TUBGCP2: variants seen among roughly 807,000 people sequenced by gnomAD.
The protein encoded by TUBGCP2 is tubulin gamma complex component 2.
In TUBGCP2, 55 loss-of-function variants were observed where a neutral mutation model predicts 92.2. The observed-to-expected ratio is 0.60, with a 90% CI of 0.48 to 0.75. The LOEUF (loss-of-function observed/expected upper bound fraction) is 0.75, where lower values mean the gene tolerates loss of function less well. Among genes scored for constraint, TUBGCP2 ranks in the 30% least tolerant of loss-of-function variants. TUBGCP2 has a pLI of 0.00. For missense variants in TUBGCP2, 1,093 were observed against 1,188.9 expected (o/e 0.92, Z 1.19); for synonymous variants, 533 against 505.2 (o/e 1.06, Z -0.74).
intron 15 of TUBGCP2, 117 bp from the exon 16 acceptor site, chr10:133,282,459 G>A: frequency 7.3e-7 from 1 of 1,371,230 alleles, no homozygotes; most frequent in Non-Finnish European, 9.6e-7. Context: ...CCTGCGGCTG[G>A]GGGTACACAA....
At chr10:133,293,790 G>A in intron 5 of TUBGCP2, 21 bp from the exon 6 acceptor site, 1 of 1,563,814 alleles carries the variant, frequency 6.4e-7, no homozygotes, top group South Asian at 1.2e-5. Flanking sequence ...AGACAGCGCT[G>A]TGGCTCTGCA....
chr10:133,279,636 T>C lies in TUBGCP2; in HGVS notation c.*130A>G. The C allele has an allele frequency of 7.5e-7, 1 of 1,327,814 alleles. No individual in the cohort carries two copies. The highest frequency in any genetic ancestry group is 3.0e-5 in the East Asian group (1 of 33,164). 82.3% of individuals were successfully genotyped at this position (1,327,814 alleles called of 1,614,324 possible). On this transcript the variant is annotated 3_prime_UTR_variant, in exon 18 of 18. Transcript: ENST00000252936. ...CAGCGCCTTGAGAAACAAAGTGAGC[T>C]GAGTCAATCATTCCTGCTTTATATT...
Position 133,294,915 on chromosome 10 carries a change from C to T in TUBGCP2, c.617-1146G>A, listed in dbSNP as rs183104993. ...CAGGATGACCAATAAAACCGAGACC[C>T]CAATGTCTACCATCCCTAAAGGAGT... On this transcript the variant is annotated intron_variant, in intron 5 of 17. Coordinates refer to ENST00000252936, the MANE Select transcript of TUBGCP2 (RefSeq NM_006659.4). Among the ~76,000 whole-genome samples, 62 of 152,352 alleles carry T rather than the reference C, an allele frequency of 4.1e-4. No individual in the cohort carries two copies. The East Asian group carries it at 7.7e-3, about 19-fold the overall frequency.
rs750670763 is a variant in TUBGCP2, at chr10:133,299,566, GCT to G, written c.315_316del (p.Arg105SerfsTer2). ...GCCCACAGCAGCGGCTGCAAGCTCA[GCT>G]CTTTCTTTTGCATTCTGTTGTAAGT... On this transcript the variant is annotated frameshift_variant, in exon 4 of 18. Transcript: ENST00000252936. LOFTEE classifies it high-confidence loss of function. 1 of 1,613,212 alleles carries G rather than the reference GCT, an allele frequency of 6.2e-7. No homozygotes were observed. Among genetic ancestry groups the G allele is most frequent in the South Asian group, 1.1e-5 (1 of 91,040 alleles).
intron 2 of TUBGCP2, among the ~76,000 whole-genome samples, chr10:133,301,254 G>A (rs1180155556): frequency 1.3e-5 from 2 of 152,098 alleles, no homozygotes; most frequent in African/African-American, 4.8e-5. Context: ...TCAGCCTCCT[G>A]AGTAGCTGCA....
chr10:133,297,891 G>A (rs1847526705), intron 5 of TUBGCP2, 61 bp downstream of exon 5: 1 of 1,591,106 alleles, frequency 6.3e-7, no homozygotes, highest in East Asian at 2.3e-5. Context: ...TATCGGCAGA[G>A]CCCGGAAATC....
chr10:133,310,326 A>C, upstream of TUBGCP2: 2 of 1,611,402 alleles, frequency 1.2e-6, no homozygotes, highest in South Asian at 2.2e-5. Context: ...TCTGCTTTTG[A>C]TTTTAGGAAA....
At chr10:133,300,809 G>A (rs779247099) in intron 2 of TUBGCP2, among the ~76,000 whole-genome samples, 11 of 152,146 alleles carry the variant, frequency 7.2e-5, no homozygotes, top group East Asian at 5.8e-4. Context: ...GGAGAGTAGC[G>A]ACTTACACTT....
rs371960542 is a variant in TUBGCP2 at position 133,302,994 on chromosome 10, G to A, written c.-39-14C>T. 1.0e-5 allele frequency: 16 copies of A among 1,601,254 alleles called. No individual in the cohort carries two copies. The highest frequency in any genetic ancestry group is 2.2e-5 in the East Asian group (1 of 44,750). ...CAATATGTTCTCCTATAGGTAAGAAGACAGCTATTCATAAAATTCAAACTG... is the reference window on the plus strand; with the variant it reads ...CAATATGTTCTCCTATAGGTAAGAAAACAGCTATTCATAAAATTCAAACTG... On this transcript the variant is annotated splice_polypyrimidine_tract_variant and intron_variant, in intron 1 of 17. Coordinates refer to ENST00000252936, the MANE Select transcript of TUBGCP2 (RefSeq NM_006659.4).
chr10:133,282,726 G>A (rs1355443226), intron 15 of TUBGCP2, among the ~76,000 whole-genome samples: 1 of 152,202 alleles, frequency 6.6e-6, no homozygotes, highest in African/African-American at 2.4e-5. Flanking sequence ...ATCGCCAGTC[G>A]GCAGCTGCTT....
chr10:133,312,072 AC>A, upstream of TUBGCP2: 7 of 1,464,638 alleles, frequency 4.8e-6, no homozygotes, highest in Non-Finnish European at 6.3e-6. Context: ...AATGCCAAGC[AC>A]CACTCACTTT....
chr10:133,307,901 T>C (rs1038703965), intron 1 of TUBGCP2, among the ~76,000 whole-genome samples: 7 of 152,148 alleles, frequency 4.6e-5, no homozygotes, highest in African/African-American at 1.2e-4. Context: ...CAGGTGGCGG[T>C]GCTGAACACT....
chr10:133,291,243 GTGTCCCCCA>G (rs376638401), intron 8 of TUBGCP2, among the ~76,000 whole-genome samples: 16,867 of 106,240 alleles, frequency 0.16, 1,662 homozygotes, highest in African/African-American at 0.4. Flanking sequence ...CGCGCCCTCC[GTGTCCCCCA>G]TGTCCCTCCG....
chr10:133,296,653 T>C (rs1021450742), intron 5 of TUBGCP2, among the ~76,000 whole-genome samples: 5 of 152,124 alleles, frequency 3.3e-5, no homozygotes, highest in Non-Finnish European at 7.4e-5. Flanking sequence ...AATTTTCACA[T>C]TTTTTGTAGA....
rs767513401 is a variant in TUBGCP2, at chr10:133,285,265, G to A, written c.1896-52C>T. 8.7e-6 allele frequency: 14 copies of A among 1,606,256 alleles called. No homozygotes were observed. Among genetic ancestry groups the A allele is most frequent in the East Asian group, 4.5e-5 (2 of 44,830 alleles). On this transcript the variant is annotated intron_variant, in intron 12 of 17. Transcript: ENST00000252936. This position sits in a 1 kb window ranked among gnomAD's most constrained non-coding sequence, Gnocchi z 6.8. ...GTGGGCCTCCGTGACCGGCGGCGTC[G>A]TGGACACGGCGTCTGTACTCCACAG...
rs776361666 is a variant in TUBGCP2, at chr10:133,281,283, C to T, written c.2563G>A (p.Val855Ile). 26 of 1,611,084 alleles carry T rather than the reference C, an allele frequency of 1.6e-5. No individual in the cohort carries two copies. In the East Asian group the frequency reaches 3.1e-4, roughly 19 times the overall value. ...TSDCEHGMAS[V>I]ISRLDFNGFY... The stretch of plus-strand genomic sequence containing the variant: ...GTGGCGCCCACCCACCTGGAGATGA[C>T]GCTGGCCATGCCGTGCTCACAGTCA... Residue 855 changes from valine (V) to isoleucine (I), a missense_variant, in exon 17 of 18, where the codon GTC becomes ATC. This residue lies in a region of TUBGCP2 where 598 missense variants were observed against 675.5 expected (regional missense o/e 0.89). Coordinates refer to ENST00000252936, the MANE Select transcript of TUBGCP2 (RefSeq NM_006659.4).
intron 1 of TUBGCP2, among the ~76,000 whole-genome samples, chr10:133,304,586 G>A (rs796079514): frequency 1.2e-4 from 18 of 152,276 alleles, no homozygotes; most frequent in African/African-American, 3.6e-4. Flanking sequence ...ACAAAACATC[G>A]AGTGTGGGCG....
chr10:133,289,076 G>C, intron 9 of TUBGCP2, 56 bp from the exon 10 acceptor site: 5 of 1,567,046 alleles, frequency 3.2e-6, no homozygotes, highest in Non-Finnish European at 4.3e-6. Context: ...TCAGGCCCCA[G>C]CTGTCTTTGT....
At chr10:133,312,314 C>T, upstream of TUBGCP2, 4 of 1,192,472 alleles carry the variant, frequency 3.4e-6, no homozygotes, top group East Asian at 4.6e-5. Context: ...GTGCCGTCTG[C>T]CTTTCTAGTT....
Sources: gnomAD v4.1 joint callset for allele counts (sites outside exome capture counted in the v4.1 genomes callset) on GRCh38, gnomAD v4.1.1 for gene constraint, gnomAD v4.1.1 regional missense constraint, Gnocchi (gnomAD v3.1) non-coding constraint, MANE v1.5 for transcripts, NCBI Gene and HGNC (gene_info 2026-07-23, HGNC 2026-07-21) for gene names.